The following PRKX variants were observed in gnomAD, a reference collection of about 807,000 sequenced individuals.
PRKX encodes cAMP-dependent protein kinase catalytic subunit PRKX.
A neutral mutation model predicts 22.0 loss-of-function variants in PRKX; 12 were observed. That is an observed-to-expected ratio of 0.54 (90% CI 0.35 to 0.88). The LOEUF is 0.88. Among genes scored for constraint, PRKX ranks in the 40% least tolerant of loss-of-function variants. PRKX has a pLI of 0.01. For missense variants in PRKX, 217 were observed against 308.0 expected (o/e 0.70, Z 2.21); for synonymous variants, 134 against 137.7 (o/e 0.97, Z 0.19).
intron 7 of PRKX, among the ~76,000 whole-genome samples, chrX:3,614,603 A>ATAGT (rs1159478384): frequency 4.5e-5 from 5 of 112,142 alleles, no homozygotes; most frequent in African/African-American, 1.6e-4. Flanking sequence ...GAGTAGAATG[A>ATAGT]TAGTTACCAG....
chrX:3,659,717 G>GTT (rs369338597), intron 2 of PRKX, among the ~76,000 whole-genome samples: 5 of 28,034 alleles, frequency 1.8e-4, no homozygotes, highest in African/African-American at 7.3e-4. Context: ...TGTTTTTTTT[G>GTT]TTTTTTTTTT....
rs180779324 is a variant in PRKX, at chrX:3,618,393, G to A, written c.874-2501C>T. Among the ~76,000 whole-genome samples the A allele has an allele frequency of 2.3e-3, 254 of 111,379 alleles. 1 individual carries two copies. The highest frequency in any genetic ancestry group is 3.7e-3 in the Non-Finnish European group (198 of 53,029). ...AGCACTTTGTGAGGCCAAGGTGGGC[G>A]GATCACTTGAGCTCAGGAGCTCGAG... On this transcript the variant is annotated intron_variant, in intron 6 of 8. Coordinates refer to ENST00000262848, the MANE Select transcript of PRKX (RefSeq NM_005044.5).
At chrX:3,690,476 T>C (rs1200824877) in intron 1 of PRKX, among the ~76,000 whole-genome samples, 2 of 112,666 alleles carry the variant, frequency 1.8e-5, no homozygotes, top group Non-Finnish European at 3.7e-5. Context: ...CTCACACCTG[T>C]AATCCCCACA....
intron 6 of PRKX, among the ~76,000 whole-genome samples, chrX:3,620,494 G>A (rs1926531247): frequency 8.9e-6 from 1 of 112,278 alleles, no homozygotes. Context: ...AAAATGGGCC[G>A]CACACCAGGA....
At chrX:3,646,152 C>T (rs1209127621) in intron 3 of PRKX, among the ~76,000 whole-genome samples, 2 of 110,546 alleles carry the variant, frequency 1.8e-5, no homozygotes, top group South Asian at 3.9e-4. Flanking sequence ...ATCAGCTGGG[C>T]GCGGTGGCAG....
rs1365088225 is a variant in PRKX at position 3,621,358 on chromosome X, TTATA to T, written c.816-46_816-43del. 3.7e-6 allele frequency: 4 copies of T among 1,074,839 alleles called. No homozygotes were observed. In the African/African-American group the frequency reaches 5.6e-5, roughly 15 times the overall value. 88.6% of individuals were successfully genotyped at this position (1,074,839 alleles called of 1,213,427 possible). A position where few individuals can be genotyped will look rare whatever the true frequency, so the allele number is the denominator to read the frequency against. Reference sequence around the variant, plus strand: ...GACAAAAAAAAAAAAAGTACACAGATTATATATCAACATCAGCAAACGCAGCATG... The same window carrying T: ...GACAAAAAAAAAAAAAGTACACAGATTATCAACATCAGCAAACGCAGCATG... On this transcript the variant is annotated intron_variant, in intron 5 of 8. Coordinates refer to ENST00000262848, the MANE Select transcript of PRKX (RefSeq NM_005044.5).
intron 4 of PRKX, among the ~76,000 whole-genome samples, chrX:3,631,060 C>A (rs762985178): frequency 1.2e-4 from 13 of 112,203 alleles, no homozygotes; most frequent in African/African-American, 4.2e-4. Flanking sequence ...ATGCTAGCAA[C>A]GGAAATACCT....
intron 1 of PRKX, among the ~76,000 whole-genome samples, chrX:3,707,309 G>C (rs907509688): frequency 1.8e-5 from 2 of 111,572 alleles, no homozygotes; most frequent in Admixed American, 9.6e-5. Context: ...TGACCAGCTT[G>C]TCCCTGTCTC....
chrX:3,630,607 G>A (rs747922613), intron 4 of PRKX, among the ~76,000 whole-genome samples: 7 of 111,816 alleles, frequency 6.3e-5, no homozygotes, highest in Non-Finnish European at 1.1e-4. Context: ...TCACAGTTCC[G>A]CATGGCTGGG....
Position 3,608,578 on chromosome X carries a change from T to TACACACACACAC in PRKX, c.*379_*390dup, listed in dbSNP as rs57960952. ...TGACTTCTATATATACACACAGGCATACACACACACACACACACACACACA... is the reference window on the plus strand; with the variant it reads ...TGACTTCTATATATACACACAGGCATACACACACACACACACACACACACACACACACACACA... On this transcript the variant is annotated 3_prime_UTR_variant, in exon 9 of 9. Transcript: ENST00000262848. 7 of 94,532 alleles carry TACACACACACAC rather than the reference T, an allele frequency of 7.4e-5. No homozygotes were observed. The highest frequency in any genetic ancestry group is 1.9e-4 in the African/African-American group (5 of 26,535). The allele number at this position is 94,532 out of a possible 1,213,427, so 7.8% of individuals were successfully genotyped here.
rs775143744 is a variant in PRKX, at chrX:3,615,884, C to T, written c.882G>A (p.Ala294=). 20 of 1,205,240 alleles carry T rather than the reference C, an allele frequency of 1.7e-5. No homozygotes were observed. In the East Asian group the frequency reaches 1.8e-4, roughly 11 times the overall value. Residue 294 remains alanine, a synonymous_variant, in exon 7 of 9, where the codon GCG becomes GCA. Transcript: ENST00000262848. ...TRRLGNMKNG[A]NDVKHHRWFR... is the part of the protein sequence containing the mutation. ...ACCACCGATGATGCTTCACATCATT[C>T]GCCCCGTTCTTCAAAAGAAACAACA...
chrX:3,614,991 T>C (rs1177153640), intron 7 of PRKX, among the ~76,000 whole-genome samples: 1 of 103,992 alleles, frequency 9.6e-6, no homozygotes, highest in Non-Finnish European at 2.0e-5. Context: ...ACAAGTATTA[T>C]ACATTGAAAA....
intron 1 of PRKX, among the ~76,000 whole-genome samples, chrX:3,691,285 C>G (rs1234576773): frequency 2.7e-5 from 3 of 111,354 alleles, no homozygotes; most frequent in African/African-American, 9.8e-5. Context: ...TGCTTGTCAA[C>G]CTTGTGACTT....
At chrX:3,710,269 A>C (rs1249463803) in intron 1 of PRKX, among the ~76,000 whole-genome samples, 1 of 111,917 alleles carries the variant, frequency 8.9e-6, no homozygotes, top group Non-Finnish European at 1.9e-5. Flanking sequence ...GTACTCCAGA[A>C]TCCCTTCACG....
In PRKX at chrX:3,618,104, T is replaced by C. The variant is rs182637570; in HGVS notation, c.874-2212A>G. ...GAGAGAGAAATAAGCCAGGCACAGA[T>C]AGACAAATACAGTCTGACCTCACTT... is the stretch of plus-strand genomic sequence containing the variant. On this transcript the variant is annotated intron_variant, in intron 6 of 8. Transcript: ENST00000262848. 4.8e-4 allele frequency among the ~76,000 whole-genome samples: 50 copies of C among 103,793 alleles called. No homozygotes were observed. In the East Asian group the frequency reaches 0.013, roughly 27 times the overall value. 90.1% of individuals were successfully genotyped at this position (103,793 alleles called of 115,157 possible). A position where few individuals can be genotyped will look rare whatever the true frequency, so the allele number is the denominator to read the frequency against.
Position 3,688,184 on chromosome X carries a change from G to A in PRKX, c.167-13418C>T, listed in dbSNP as rs1178608699. On this transcript the variant is annotated intron_variant, in intron 1 of 8. Coordinates refer to ENST00000262848, the MANE Select transcript of PRKX (RefSeq NM_005044.5). ...AACCCAGCTGGGCGCGCTGGCTCACGCCTGTAATCCCAGCACTTTGGGAGG... is the reference window on the plus strand; with the variant it reads ...AACCCAGCTGGGCGCGCTGGCTCACACCTGTAATCCCAGCACTTTGGGAGG... Among the ~76,000 whole-genome samples, 2 of 109,433 alleles carry A rather than the reference G, an allele frequency of 1.8e-5. 1 individual carries two copies.
In PRKX at chrX:3,713,458, C is replaced by A. The variant is rs1928837302; in HGVS notation, c.-205G>T. The A allele has an allele frequency of 1.4e-5, 4 of 284,304 alleles. No individual in the cohort carries two copies. Among genetic ancestry groups the A allele is most frequent in the Non-Finnish European group, 2.4e-5 (4 of 167,219 alleles). 23.4% of individuals were successfully genotyped at this position (284,304 alleles called of 1,213,427 possible). A position where few individuals can be genotyped will look rare whatever the true frequency, so the allele number is the denominator to read the frequency against. On this transcript the variant is annotated 5_prime_UTR_variant, in exon 1 of 9. Transcript: ENST00000262848. ...GCGGCGCTCACGGCACAAGCAGCAA[C>A]GGCCCCGAGTGGGAGCAGCCGCCGG...
intron 6 of PRKX, among the ~76,000 whole-genome samples, chrX:3,616,551 G>A (rs1206109414): frequency 1.8e-5 from 2 of 111,642 alleles, no homozygotes; most frequent in East Asian, 2.8e-4. Context: ...TAGTGATGTC[G>A]TTATCAATTA....
chrX:3,659,846 T>C (rs1395825720), intron 2 of PRKX, among the ~76,000 whole-genome samples: 4 of 107,039 alleles, frequency 3.7e-5, no homozygotes, highest in African/African-American at 1.0e-4. Flanking sequence ...CGCCTCAGCC[T>C]CCCGAGTAGC....
Sources: gnomAD v4.1 joint callset for allele counts (sites outside exome capture counted in the v4.1 genomes callset) on GRCh38, gnomAD v4.1.1 for gene constraint, MANE v1.5 for transcripts, NCBI Gene and HGNC (gene_info 2026-07-23, HGNC 2026-07-21) for gene names.